The following NEO1 variants were observed in gnomAD, a reference collection of about 807,000 sequenced individuals.
The protein encoded by NEO1 is neogenin.
A neutral mutation model predicts 159.7 loss-of-function variants in NEO1; 63 were observed. The observed-to-expected ratio is 0.39, with a 90% CI of 0.32 to 0.49. NEO1 has a LOEUF of 0.49. Ranked by LOEUF, NEO1 falls within the 20% of genes least tolerant of loss-of-function variation. The pLI, the probability that NEO1 is intolerant of heterozygous loss-of-function variation, is 0.85. For synonymous variants in NEO1, 633 were observed against 662.0 expected, an observed-to-expected ratio of 0.96 and a Z score of 0.67; for missense variants, 1,615 against 1,831.0, an observed-to-expected ratio of 0.88 and a Z score of 2.15.
At chr15:73,110,001 C>T (rs1395109725) in intron 1 of NEO1, among the ~76,000 whole-genome samples, 4 of 152,096 alleles carry the variant, frequency 2.6e-5, no homozygotes, top group African/African-American at 7.2e-5. Flanking sequence ...TGTTTGTTAA[C>T]GCTTAAGTGT....
chr15:73,122,410 C>A, intron 2 of NEO1, 115 bp from the exon 3 acceptor site: 1 of 930,014 alleles, frequency 1.1e-6, no homozygotes, highest in Non-Finnish European at 1.6e-6. Flanking sequence ...TTCTTCTCAA[C>A]CCTGGTTCTG....
At chr15:73,082,854 A>G (rs930523571) in intron 1 of NEO1, among the ~76,000 whole-genome samples, 9 of 152,158 alleles carry the variant, frequency 5.9e-5, no homozygotes, top group Non-Finnish European at 1.3e-4. Context: ...CATAATAGGG[A>G]GAGTTCACCC....
In NEO1 at chr15:73,052,637, G is replaced by A; in HGVS notation, c.-39G>A. 1.6e-6 allele frequency: 2 copies of A among 1,215,968 alleles called. No homozygotes were observed. The highest frequency in any genetic ancestry group is 4.7e-5 in the South Asian group (2 of 42,692). The allele number at this position is 1,215,968 out of a possible 1,614,324, so 75.3% of individuals were successfully genotyped here. On this transcript the variant is annotated 5_prime_UTR_variant, in exon 1 of 29. Coordinates refer to ENST00000261908, the MANE Select transcript of NEO1 (RefSeq NM_002499.4). ...GAGGGAAGGAGGCAAGGGCTCCGCGGCGCTGTCGCCGCCGCTGCCGCTCAC... is the reference window on the plus strand; with the variant it reads ...GAGGGAAGGAGGCAAGGGCTCCGCGACGCTGTCGCCGCCGCTGCCGCTCAC...
chr15:73,276,076 A>G (rs1029988538), intron 21 of NEO1, among the ~76,000 whole-genome samples: 6 of 152,200 alleles, frequency 3.9e-5, no homozygotes, highest in Non-Finnish European at 5.9e-5. Context: ...GAATATAAAA[A>G]TACCCATAAT....
chr15:73,287,372 A>G (rs192287750), intron 23 of NEO1, among the ~76,000 whole-genome samples: 8 of 152,360 alleles, frequency 5.3e-5, no homozygotes, highest in African/African-American at 1.4e-4. Context: ...AGCTCAGAAC[A>G]TTTTAAAATA....
intron 5 of NEO1, among the ~76,000 whole-genome samples, chr15:73,154,847 T>C (rs531352533): frequency 1.4e-4 from 21 of 152,358 alleles, no homozygotes; most frequent in Non-Finnish European, 3.1e-4. Context: ...ACGTTCAGCA[T>C]TAACATTGAT....
chr15:73,304,482 T>C lies in NEO1; in HGVS notation c.*1786T>C, dbSNP rs1878940. 46,851 of 152,088 alleles carry C rather than the reference T, an allele frequency of 0.31. 8,392 individuals are homozygous for C. Among genetic ancestry groups the C allele is most frequent in the East Asian group, 0.56 (2,862 of 5,146 alleles). 9.4% of individuals were successfully genotyped at this position (152,088 alleles called of 1,614,324 possible). On this transcript the variant is annotated 3_prime_UTR_variant, in exon 29 of 29. Coordinates refer to ENST00000261908, the MANE Select transcript of NEO1 (RefSeq NM_002499.4). The stretch of plus-strand genomic sequence containing the variant: ...CTTTGAACTTGGGGATTTGCCATGT[T>C]TGATCTTGTCACATACTTGCTTTTT...
At chr15:73,208,223 A>G (rs540056141) in intron 7 of NEO1, among the ~76,000 whole-genome samples, 1 of 152,362 alleles carries the variant, frequency 6.6e-6, no homozygotes, top group Admixed American at 6.5e-5. Flanking sequence ...GCAATTGATT[A>G]TAAGCTATCT....
At chr15:73,289,324 C>T in intron 25 of NEO1, 86 bp downstream of exon 25, 2 of 1,124,872 alleles carry the variant, frequency 1.8e-6, no homozygotes, top group Non-Finnish European at 2.6e-6. Flanking sequence ...TTTGACTTCA[C>T]TTGATTCTAA....
intron 1 of NEO1, among the ~76,000 whole-genome samples, chr15:73,086,682 T>TGC (rs1330254624): frequency 1.5e-5 from 1 of 67,028 alleles, no homozygotes; most frequent in African/African-American, 7.7e-5. Context: ...GTTTCTAGAT[T>TGC]TCTTTTTTTT....
chr15:73,287,007 T>G (rs2041972438), intron 23 of NEO1, among the ~76,000 whole-genome samples: 1 of 152,206 alleles, frequency 6.6e-6, no homozygotes, highest in Non-Finnish European at 1.5e-5. Flanking sequence ...CTTACTCTCT[T>G]GCTTAAAACC....
chr15:73,187,908 T>C (rs1874855411), intron 7 of NEO1, among the ~76,000 whole-genome samples: 1 of 152,166 alleles, frequency 6.6e-6, no homozygotes, highest in Non-Finnish European at 1.5e-5. Context: ...ATATTCTACG[T>C]TGGAAATTCG....
chr15:73,157,605 C>T (rs1249407270), intron 5 of NEO1, among the ~76,000 whole-genome samples: 4 of 152,318 alleles, frequency 2.6e-5, no homozygotes, highest in South Asian at 2.1e-4. Context: ...CCTGGCCACA[C>T]GGGTTACCTG....
At chr15:73,244,772 G>A (rs987233879) in intron 9 of NEO1, among the ~76,000 whole-genome samples, 6 of 151,622 alleles carry the variant, frequency 4.0e-5, no homozygotes, top group Non-Finnish European at 7.4e-5. Context: ...CCAACATGGT[G>A]AAACCCCATC....
At chr15:73,221,202 G>T (rs1169288373) in intron 7 of NEO1, among the ~76,000 whole-genome samples, 1 of 152,212 alleles carries the variant, frequency 6.6e-6, no homozygotes, top group Non-Finnish European at 1.5e-5. Flanking sequence ...TCCAGACCCT[G>T]TTTGCCTGGG....
chr15:73,157,288 C>G (rs1041843517), intron 5 of NEO1, among the ~76,000 whole-genome samples: 1 of 152,212 alleles, frequency 6.6e-6, no homozygotes, highest in Non-Finnish European at 1.5e-5. Flanking sequence ...GTTCTTCAAG[C>G]CCCAGCCCGA....
intron 1 of NEO1, among the ~76,000 whole-genome samples, chr15:73,063,620 G>A (rs1488282293): frequency 7.8e-6 from 1 of 127,748 alleles, no homozygotes; most frequent in African/African-American, 2.9e-5. Context: ...TAGATGCGCA[G>A]CCTTTTTTGT....
intron 1 of NEO1, among the ~76,000 whole-genome samples, chr15:73,100,962 G>T (rs191251148): frequency 2.6e-5 from 4 of 152,112 alleles, no homozygotes; most frequent in African/African-American, 9.7e-5. Flanking sequence ...TATTCAAGCC[G>T]TTAATGATTC....
chr15:73,202,840 C>G (rs2036980309), intron 7 of NEO1, among the ~76,000 whole-genome samples: 1 of 152,164 alleles, frequency 6.6e-6, no homozygotes, highest in Non-Finnish European at 1.5e-5. Flanking sequence ...ATGATCAGGA[C>G]TATTCTAGCC....
Sources: allele counts gnomAD v4.1 joint callset (sites outside exome capture counted in the v4.1 genomes callset), GRCh38; gene constraint gnomAD v4.1.1; transcripts MANE v1.5; gene names NCBI Gene and HGNC (gene_info 2026-07-23, HGNC 2026-07-21).